The following GAS2L3 variants were observed in gnomAD, a reference collection of about 807,000 sequenced individuals.
GAS2L3 encodes GAS2-like protein 3.
A neutral mutation model predicts 37.0 loss-of-function variants in GAS2L3; 28 were observed. The ratio of observed to expected loss-of-function variants is 0.76; its 90% CI spans 0.56 to 1.04. The LOEUF (loss-of-function observed/expected upper bound fraction) is 1.04. Among genes scored for constraint, GAS2L3 ranks in the 50% least tolerant of loss-of-function variants. The pLI, the probability that GAS2L3 is intolerant of heterozygous loss-of-function variation, is 0.00. For missense variants in GAS2L3, 793 were observed against 817.6 expected, an observed-to-expected ratio of 0.97 and a Z score of 0.37; for synonymous variants, 290 against 296.6, an observed-to-expected ratio of 0.98 and a Z score of 0.23.
At chr12:100,600,045 G>T (rs768371693) in intron 3 of GAS2L3, among the ~76,000 whole-genome samples, 20 of 152,090 alleles carry the variant, frequency 1.3e-4, no homozygotes, top group Non-Finnish European at 2.6e-4. Context: ...AACATAGGGT[G>T]ACCACATCTC....
intron 5 of GAS2L3, among the ~76,000 whole-genome samples, chr12:100,602,787 C>T (rs960428722): frequency 2.0e-5 from 3 of 152,056 alleles, no homozygotes; most frequent in Admixed American, 2.0e-4. Context: ...CTCCACTTCC[C>T]CCCACCTGCC....
intron 1 of GAS2L3, among the ~76,000 whole-genome samples, chr12:100,590,414 A>G (rs1324316867): frequency 2.0e-5 from 3 of 152,212 alleles, no homozygotes; most frequent in Non-Finnish European, 2.9e-5. Flanking sequence ...AAATCAAAAA[A>G]CAATAGATGT....
chr12:100,600,442 C>A lies in GAS2L3; in HGVS notation c.79C>A (p.Pro27Thr). 6.2e-7 allele frequency: 1 copy of A among 1,612,282 alleles called. No individual in the cohort carries two copies. The highest frequency in any genetic ancestry group is 1.1e-5 in the South Asian group (1 of 90,972). Residue 27 changes from proline to threonine, a missense_variant, in exon 4 of 10, where the codon CCA becomes ACA. Physicochemically the swap from Pro to Thr is conservative, Grantham distance 38. Coordinates refer to ENST00000547754, the MANE Select transcript of GAS2L3 (RefSeq NM_174942.3). ...GAGTCCTCTGACTCCCAGACACGGACCAGGATTGGCTAATGTTTGTCAGTA... is the reference window on the plus strand; with the variant it reads ...GAGTCCTCTGACTCCCAGACACGGAACAGGATTGGCTAATGTTTGTCAGTA... Reference protein sequence around the residue: ...PRSPLTPRHGPGLANVCQYDE... With the variant: ...PRSPLTPRHGTGLANVCQYDE...
chr12:100,615,162 A>G (rs1956170925), intron 6 of GAS2L3, among the ~76,000 whole-genome samples: 1 of 152,130 alleles, frequency 6.6e-6, no homozygotes, highest in Non-Finnish European at 1.5e-5. Context: ...ATCTTTGTCA[A>G]TACTTATTTG....
chr12:100,622,295 C>A lies in GAS2L3; in HGVS notation c.669C>A (p.Asp223Glu). 6.3e-7 allele frequency: 1 copy of A among 1,595,760 alleles called. No individual in the cohort carries two copies. The highest frequency in any genetic ancestry group is 8.6e-7 in the Non-Finnish European group (1 of 1,165,156). The change falls in exon 9 of 10, where the codon GAC becomes GAA. Residue 223 changes from aspartate (D) to glutamate (E), a missense_variant. Transcript: ENST00000547754. ...CTTAGGTTAAACATATTGCTGAGGA[C>A]CCTCCTTGTAGTTGTTCTCATCGAT... ...LHEAVKHIAE[D>E]PPCSCSHRFS... is the part of the protein sequence containing the mutation.
intron 5 of GAS2L3, among the ~76,000 whole-genome samples, chr12:100,607,932 T>A (rs763052187): frequency 7.2e-5 from 11 of 152,130 alleles, no homozygotes; most frequent in Non-Finnish European, 1.3e-4. Flanking sequence ...ACCTTATTGG[T>A]GAGGTCGTGT....
Position 100,627,927 on chromosome 12 carries a change from C to T in GAS2L3, c.*3037C>T, listed in dbSNP as rs530439169. On this transcript the variant is annotated 3_prime_UTR_variant, in exon 10 of 10. Coordinates refer to ENST00000547754, the MANE Select transcript of GAS2L3 (RefSeq NM_174942.3). ...TAAACTTCGGAGCACAATGAAATGC[C>T]GATTATTTTTACCTTGTTTGGGCTT... 17 of 152,042 alleles carry T rather than the reference C, an allele frequency of 1.1e-4. No individual in the cohort carries two copies. The highest frequency in any genetic ancestry group is 3.6e-4 in the African/African-American group (15 of 41,490). 9.4% of individuals were successfully genotyped at this position (152,042 alleles called of 1,614,324 possible). A position where few individuals can be genotyped will look rare whatever the true frequency, so the allele number is the denominator to read the frequency against.
At chr12:100,576,417 C>G (rs968902435) in intron 1 of GAS2L3, among the ~76,000 whole-genome samples, 128 of 152,214 alleles carry the variant, frequency 8.4e-4, no homozygotes, top group African/African-American at 2.9e-3. Flanking sequence ...GTGTATTTTA[C>G]TTCTTATTAT....
At chr12:100,607,752 A>G (rs995255052) in intron 5 of GAS2L3, among the ~76,000 whole-genome samples, 4 of 152,034 alleles carry the variant, frequency 2.6e-5, no homozygotes, top group African/African-American at 7.2e-5. Context: ...TCTCAACTCT[A>G]GAATTTCTGC....
chr12:100,621,888 A>AGAGAGG, intron 8 of GAS2L3, among the ~76,000 whole-genome samples: 1 of 147,876 alleles, frequency 6.8e-6, no homozygotes, highest in Non-Finnish European at 1.5e-5. Flanking sequence ...GGGGGGAGAG[A>AGAGAGG]GAGAGAGAGA....
intron 1 of GAS2L3, among the ~76,000 whole-genome samples, chr12:100,582,814 G>T (rs980054249): frequency 2.0e-5 from 3 of 152,166 alleles, no homozygotes; most frequent in Non-Finnish European, 2.9e-5. Flanking sequence ...GTGCTGACAG[G>T]GTTGTGCTGT....
At chr12:100,593,899 A>C (rs1430068492) in intron 2 of GAS2L3, 1 of 152,002 alleles carries the variant, frequency 6.6e-6, no homozygotes, top group African/African-American at 2.4e-5. Flanking sequence ...AATGTGTTAT[A>C]ATATTAGGCT....
At chr12:100,576,682 G>A (rs1300539128) in intron 1 of GAS2L3, among the ~76,000 whole-genome samples, 10 of 152,150 alleles carry the variant, frequency 6.6e-5, no homozygotes, top group Non-Finnish European at 1.5e-4. Flanking sequence ...AATTATAACT[G>A]TATTTCTTTA....
chr12:100,618,953 G>A (rs549283190), intron 8 of GAS2L3, among the ~76,000 whole-genome samples: 1 of 152,018 alleles, frequency 6.6e-6, no homozygotes, highest in African/African-American at 2.4e-5. Context: ...AGGTTATATT[G>A]GTTTTGTGGT....
chr12:100,598,551 C>T (rs1451256195), intron 3 of GAS2L3, among the ~76,000 whole-genome samples: 1 of 152,216 alleles, frequency 6.6e-6, no homozygotes, highest in East Asian at 1.9e-4. Flanking sequence ...TGTAAAATTA[C>T]TCCTTTTCCC....
rs762223692 is a variant in GAS2L3 at position 100,623,994 on chromosome 12, G to A, written c.1189G>A (p.Ala397Thr). 1 of 1,613,890 alleles carries A rather than the reference G, an allele frequency of 6.2e-7. No individual in the cohort carries two copies. The highest frequency in any genetic ancestry group is 1.1e-5 in the South Asian group (1 of 91,060). ...AAAAGGCATAACGAAGAAACCGCAG[G>A]CTCCTTCAAACAATGCATCATCTTC... ...SSKGITKKPQ[A>T]PSNNASSSLA... The change falls in exon 10 of 10, where the codon GCT (alanine) becomes ACT (threonine). Residue 397 changes from alanine to threonine, a missense_variant. Transcript: ENST00000547754.
intron 3 of GAS2L3, among the ~76,000 whole-genome samples, chr12:100,597,718 A>G (rs906285355): frequency 4.6e-5 from 7 of 152,014 alleles, no homozygotes; most frequent in African/African-American, 7.2e-5. Flanking sequence ...TTAAAAACAA[A>G]AAAAAAACTT....
At chr12:100,620,016 T>G (rs1117371) in intron 8 of GAS2L3, among the ~76,000 whole-genome samples, 110,769 of 151,794 alleles carry the variant, frequency 0.73, 40,753 homozygotes, top group East Asian at 0.95. Flanking sequence ...CTGTACTTAG[T>G]GTTTACTGTT....
chr12:100,599,872 A>G (rs1955963042), intron 3 of GAS2L3, among the ~76,000 whole-genome samples: 1 of 152,226 alleles, frequency 6.6e-6, no homozygotes, highest in South Asian at 2.1e-4. Context: ...TTGGCTCAAT[A>G]GTAGAATCCA....
Sources: gnomAD v4.1 joint callset for allele counts (sites outside exome capture counted in the v4.1 genomes callset) on GRCh38, gnomAD v4.1.1 for gene constraint, MANE v1.5 for transcripts, NCBI Gene and HGNC (gene_info 2026-07-23, HGNC 2026-07-21) for gene names.